Variants in CRAMP1 observed in about 807,000 individuals in gnomAD.
CRAMP1 encodes cramped chromatin regulator 1, also known as protein cramped-like.
A neutral mutation model predicts 115.4 loss-of-function variants in CRAMP1; 50 were observed. The observed-to-expected ratio is 0.43, with a 90% CI of 0.35 to 0.55. The LOEUF (loss-of-function observed/expected upper bound fraction) is 0.55. CRAMP1 is among the 20% of genes least tolerant of loss of function. The pLI, the probability that CRAMP1 is intolerant of heterozygous loss-of-function variation, is 0.01. For missense variants in CRAMP1, 1,679 were observed against 1,721.7 expected (o/e 0.98, Z 0.44); for synonymous variants, 866 against 745.4 (o/e 1.16, Z -2.64).
chr16:1,647,035 A>T (rs2036681115), intron 6 of CRAMP1: 2 of 702,908 alleles, frequency 2.8e-6, no homozygotes, highest in Non-Finnish European at 5.2e-6. Flanking sequence ...GTATTTACAA[A>T]CAAACAGGAA....
intron 4 of CRAMP1, among the ~76,000 whole-genome samples, chr16:1,637,083 A>G (rs1167812509): frequency 6.6e-6 from 1 of 152,174 alleles, no homozygotes; most frequent in African/African-American, 2.4e-5. Flanking sequence ...ATTTGAGGTC[A>G]GGAGTTCGAG....
rs1387521081 is a variant in CRAMP1 at position 1,675,368 on chromosome 16, C to T, written c.*1323C>T. 1 of 152,526 alleles carries T rather than the reference C, an allele frequency of 6.6e-6. No individual in the cohort carries two copies. Among genetic ancestry groups the T allele is most frequent in the East Asian group, 1.9e-4 (1 of 5,214 alleles). The allele number at this position is 152,526 out of a possible 1,614,324, so 9.4% of individuals were successfully genotyped here. A position where few individuals can be genotyped will look rare whatever the true frequency, so the allele number is the denominator to read the frequency against. ...GCAGGCCATGCCTGTGCCGCCATCT[C>T]TCCCTTCCTGCCTCATTTCATCCCC... On this transcript the variant is annotated 3_prime_UTR_variant, in exon 21 of 21. Transcript: ENST00000397412.
At chr16:1,613,273 C>G (rs1055644947) in intron 1 of CRAMP1, among the ~76,000 whole-genome samples, 1 of 151,908 alleles carries the variant, frequency 6.6e-6, no homozygotes, top group African/African-American at 2.4e-5. Flanking sequence ...ACTCGAGATT[C>G]CCTAGACCAA....
At chr16:1,637,174 A>G (rs2036595762) in intron 4 of CRAMP1, among the ~76,000 whole-genome samples, 1 of 152,130 alleles carries the variant, frequency 6.6e-6, no homozygotes, top group African/African-American at 2.4e-5. Flanking sequence ...TGCACCTGTA[A>G]TCTCAGCTAC....
At chr16:1,627,173 TCTCA>T (rs917799431) in intron 3 of CRAMP1, among the ~76,000 whole-genome samples, 1 of 151,752 alleles carries the variant, frequency 6.6e-6, no homozygotes. Context: ...GGAGATGGAA[TCTCA>T]CTCTGTTGCC....
At chr16:1,665,913 G>T in intron 14 of CRAMP1, 160 bp from the exon 15 acceptor site, 1 of 608,330 alleles carries the variant, frequency 1.6e-6, no homozygotes, top group Non-Finnish European at 3.0e-6. Context: ...TGTGACCTCT[G>T]ACTCCTCATG....
intron 6 of CRAMP1, 73 bp downstream of exon 6, chr16:1,641,260 G>C (rs2036629568): frequency 8.9e-7 from 1 of 1,124,848 alleles, no homozygotes; most frequent in South Asian, 1.3e-5. Flanking sequence ...TACAGAAGCT[G>C]AAATGCTCTC....
In CRAMP1 at chr16:1,671,455, C is replaced by T. The variant is rs1286078004; in HGVS notation, c.3645+646C>T. Among the ~76,000 whole-genome samples the T allele has an allele frequency of 6.6e-6, 1 of 152,224 alleles. No homozygotes were observed. The highest frequency in any genetic ancestry group is 1.5e-5 in the Non-Finnish European group (1 of 68,044). ...ATCTGGTTGTAGCCCTCAAGGCGTC[C>T]ACCACATGGTTTGTGTGGCATTCGT... On this transcript the variant is annotated intron_variant, in intron 20 of 20. Transcript: ENST00000397412. The surrounding 1 kb of genome is among the most constrained non-coding windows in gnomAD (Gnocchi z 5.0).
In CRAMP1 at chr16:1,660,041, C is replaced by T. The variant is rs140557579; in HGVS notation, c.2391C>T (p.Pro797=). 314 of 1,590,668 alleles carry T rather than the reference C, an allele frequency of 2.0e-4. No homozygotes were observed. The African/African-American group carries it at 3.7e-3, about 19-fold the overall frequency. ...ASLRSSKTFP[P]SSAPCSSGLR... ...TCCGCAGCAGCAAGACCTTCCCGCCCAGCTCTGCACCCTGCTCCTCAGGTG... is the reference window on the plus strand; with the variant it reads ...TCCGCAGCAGCAAGACCTTCCCGCCTAGCTCTGCACCCTGCTCCTCAGGTG... Residue 797 remains proline, a synonymous_variant, in exon 11 of 21, where the codon CCC becomes CCT. Coordinates refer to ENST00000397412, the MANE Select transcript of CRAMP1 (RefSeq NM_020825.4).
At chr16:1,642,025 C>T (rs752481567) in intron 6 of CRAMP1, among the ~76,000 whole-genome samples, 3 of 152,278 alleles carry the variant, frequency 2.0e-5, no homozygotes, top group Non-Finnish European at 4.4e-5. Context: ...ACATCCATCC[C>T]GCCCACTGAC....
At chr16:1,673,824 C>G in intron 20 of CRAMP1, 57 bp from the exon 21 acceptor site, 1 of 1,553,482 alleles carries the variant, frequency 6.4e-7, no homozygotes, top group Non-Finnish European at 8.9e-7. Flanking sequence ...GACCCGCCCT[C>G]CACTGAAGGG....
chr16:1,657,099 G>C, intron 10 of CRAMP1, 107 bp downstream of exon 10: 1 of 1,040,118 alleles, frequency 9.6e-7, no homozygotes, highest in East Asian at 2.7e-5. Context: ...GGGTCCAGAT[G>C]AGAGAGACAG....
chr16:1,666,952 G>A lies in CRAMP1; in HGVS notation c.3036+352G>A, dbSNP rs2036881621. On this transcript the variant is annotated intron_variant, in intron 16 of 20. Transcript: ENST00000397412. The surrounding 1 kb of genome is among the most constrained non-coding windows in gnomAD (Gnocchi z 5.0). ...ATCTGGGAAGAGAGCAGCCTGTATG[G>A]CCTTGGCCATTGCTCCTTTCCAAGG... is the stretch of plus-strand genomic sequence containing the variant. Among the ~76,000 whole-genome samples, 1 of 152,252 alleles carries A rather than the reference G, an allele frequency of 6.6e-6. No homozygotes were observed. The highest frequency in any genetic ancestry group is 6.5e-5 in the Admixed American group (1 of 15,290).
chr16:1,663,662 A>G (rs2036851054), intron 13 of CRAMP1, among the ~76,000 whole-genome samples: 1 of 152,150 alleles, frequency 6.6e-6, no homozygotes. Context: ...TACGACGACC[A>G]TCACCATGGT....
Position 1,656,472 on chromosome 16 carries a change from T to G in CRAMP1, c.1715T>G (p.Ile572Ser). 1 of 1,580,596 alleles carries G rather than the reference T, an allele frequency of 6.3e-7. No homozygotes were observed. The highest frequency in any genetic ancestry group is 8.6e-7 in the Non-Finnish European group (1 of 1,164,024). Reference protein sequence around the residue: ...PRYLKSCQDLIVPEQCRCADT... With the variant: ...PRYLKSCQDLSVPEQCRCADT... ...TACCTAAAGTCCTGTCAGGACCTCA[T>G]TGTCCCCGAGCAGTGCCGCTGTGCG... Residue 572 changes from isoleucine (I) to serine (S), a missense_variant, in exon 10 of 21, where the codon ATT (isoleucine) becomes AGT (serine). Ile to Ser is a moderately radical substitution (Grantham distance 142). Around this residue, in one of 8 missense-constraint regions of CRAMP1, gnomAD observed 405 missense variants for 302.6 expected, o/e 1.34. Coordinates refer to ENST00000397412, the MANE Select transcript of CRAMP1 (RefSeq NM_020825.4). The surrounding 1 kb of genome is among the most constrained non-coding windows in gnomAD (Gnocchi z 5.6).
At chr16:1,645,332 G>A (rs1244134413) in intron 6 of CRAMP1, 3 of 246,306 alleles carry the variant, frequency 1.2e-5, no homozygotes, top group South Asian at 3.3e-5. Context: ...GATTACAGGC[G>A]CCCACCACCA....
chr16:1,660,712 A>T (rs2036821101), intron 11 of CRAMP1, among the ~76,000 whole-genome samples: 1 of 152,246 alleles, frequency 6.6e-6, no homozygotes, highest in African/African-American at 2.4e-5. Context: ...AAGTGTAAAA[A>T]TGGTGAGTTT....
rs543204816 is a variant in CRAMP1, at chr16:1,669,454, G to A, written c.3499+289G>A. On this transcript the variant is annotated intron_variant, in intron 19 of 20. Transcript: ENST00000397412. The surrounding 1 kb of genome is among the most constrained non-coding windows in gnomAD (Gnocchi z 4.6). ...CCCGTGACCCCAGATGCTGGGTTCTGTGTGCCTTCCCAGTCTGTTCAGCTA... is the reference window on the plus strand; with the variant it reads ...CCCGTGACCCCAGATGCTGGGTTCTATGTGCCTTCCCAGTCTGTTCAGCTA... 2.0e-4 allele frequency among the ~76,000 whole-genome samples: 31 copies of A among 152,286 alleles called. No homozygotes were observed. The highest frequency in any genetic ancestry group is 6.0e-4 in the African/African-American group (25 of 41,550).
At chr16:1,652,729 C>T (rs1413556321) in intron 7 of CRAMP1, 148 bp downstream of exon 7, 8 of 749,022 alleles carry the variant, frequency 1.1e-5, no homozygotes, top group Non-Finnish European at 1.5e-5. Flanking sequence ...CACTCTTGAA[C>T]TTGAAATGCT....
Sources: gnomAD v4.1 joint callset for allele counts (sites outside exome capture counted in the v4.1 genomes callset) on GRCh38, gnomAD v4.1.1 for gene constraint, gnomAD v4.1.1 regional missense constraint, Gnocchi (gnomAD v3.1) non-coding constraint, MANE v1.5 for transcripts, NCBI Gene and HGNC (gene_info 2026-07-23, HGNC 2026-07-21) for gene names.